The following TMEM154 variants were observed in gnomAD, a reference collection of about 807,000 sequenced individuals.
The protein encoded by TMEM154 is transmembrane protein 154.
A neutral mutation model predicts 24.5 loss-of-function variants in TMEM154; 27 were observed. The ratio of observed to expected loss-of-function variants is 1.10; its 90% CI spans 0.81 to 1.52. The LOEUF (loss-of-function observed/expected upper bound fraction) is 1.52, where lower values mean the gene tolerates loss of function less well. Ranked by LOEUF, TMEM154 falls within the 40% of genes most tolerant of loss-of-function variation. TMEM154 has a pLI of 0.00. For missense variants in TMEM154, 228 were observed against 213.4 expected, an observed-to-expected ratio of 1.07 and a Z score of -0.43; for synonymous variants, 67 against 76.8, an observed-to-expected ratio of 0.87 and a Z score of 0.67.
chr4:152,661,289 TCTCTCTCTCTC>T (rs1728598433), intron 1 of TMEM154, among the ~76,000 whole-genome samples: 1 of 46,432 alleles, frequency 2.2e-5, no homozygotes, highest in African/African-American at 6.6e-5. Context: ...TCTCTTTCTC[TCTCTCTCTCTC>T]TCTCTCTCTC....
At chr4:152,632,268 G>T (rs1422282187) in intron 6 of TMEM154, among the ~76,000 whole-genome samples, 1 of 152,056 alleles carries the variant, frequency 6.6e-6, no homozygotes, top group African/African-American at 2.4e-5. Context: ...AAAGCATGAG[G>T]TTGAGCTCTA....
At chr4:152,637,980 G>A (rs1302203205) in intron 6 of TMEM154, among the ~76,000 whole-genome samples, 2 of 152,118 alleles carry the variant, frequency 1.3e-5, no homozygotes, top group Non-Finnish European at 2.9e-5. Context: ...TTCAGACTGG[G>A]CGAGGCACAG....
At chr4:152,664,038 C>T (rs1300956455) in intron 1 of TMEM154, among the ~76,000 whole-genome samples, 2 of 152,202 alleles carry the variant, frequency 1.3e-5, no homozygotes, top group African/African-American at 4.8e-5. Flanking sequence ...AGCAAACTAG[C>T]TAACTTCTCT....
intron 6 of TMEM154, among the ~76,000 whole-genome samples, chr4:152,637,797 C>T (rs1027266209): frequency 6.6e-6 from 1 of 152,082 alleles, no homozygotes; most frequent in Non-Finnish European, 1.5e-5. Flanking sequence ...AATTCACAAG[C>T]TTTTAGAGAA....
chr4:152,676,120 T>G lies in TMEM154; in HGVS notation c.64+3750A>C, dbSNP rs187696681. 2.3e-3 allele frequency among the ~76,000 whole-genome samples: 356 copies of G among 152,270 alleles called. 1 individual carries two copies. Among genetic ancestry groups the G allele is most frequent in the African/African-American group, 8.1e-3 (335 of 41,546 alleles). ...TGTTTTTCCTGCTTCTAGTCTTAAA[T>G]CCCCAGATTCTCTTGTGCTCACTCT... On this transcript the variant is annotated intron_variant, in intron 1 of 6. Coordinates refer to ENST00000304385, the MANE Select transcript of TMEM154 (RefSeq NM_152680.3).
rs1339183202 is a variant in TMEM154 at position 152,653,784 on chromosome 4, A to T, written c.65-857T>A. ...CCGGGCATGGTGGTTCACGCCTGTA[A>T]TCCCAGCACTATGGGAGGCTGAGGT... On this transcript the variant is annotated intron_variant, in intron 1 of 6. Coordinates refer to ENST00000304385, the MANE Select transcript of TMEM154 (RefSeq NM_152680.3). Among the ~76,000 whole-genome samples, 5 of 151,892 alleles carry T rather than the reference A, an allele frequency of 3.3e-5. No individual in the cohort carries two copies. In the East Asian group the frequency reaches 9.7e-4, roughly 30 times the overall value.
chr4:152,640,883 G>GCCC, intron 6 of TMEM154, 45 bp downstream of exon 6: 1 of 609,638 alleles, frequency 1.6e-6, no homozygotes, highest in Non-Finnish European at 3.0e-6. Flanking sequence ...CAATCCCCCC[G>GCCC]CCCCCCGCCA....
intron 1 of TMEM154, among the ~76,000 whole-genome samples, chr4:152,665,430 G>C (rs1728700512): frequency 6.6e-6 from 1 of 152,130 alleles, no homozygotes; most frequent in African/African-American, 2.4e-5. Flanking sequence ...GGATGCCAAA[G>C]GCTTGCCTAG....
rs528954797 is a variant in TMEM154 at position 152,652,966 on chromosome 4, CAA to C, written c.65-41_65-40del. 1.9e-3 allele frequency: 2,961 copies of C among 1,537,384 alleles called. 8 individuals are homozygous for C. The highest frequency in any genetic ancestry group is 2.2e-3 in the Non-Finnish European group (2,498 of 1,143,362). ...TACAAAATTGAAATTTCCATGGAGA[CAA>C]AGTTAGTATGTTATATTGTCAATGA... On this transcript the variant is annotated intron_variant, in intron 1 of 6. Transcript: ENST00000304385.
intron 1 of TMEM154, among the ~76,000 whole-genome samples, chr4:152,674,671 C>G (rs1561059876): frequency 6.6e-6 from 1 of 152,130 alleles, no homozygotes; most frequent in Non-Finnish European, 1.5e-5. Flanking sequence ...TTAAGCACAC[C>G]CCTGTCTCAG....
intron 1 of TMEM154, among the ~76,000 whole-genome samples, chr4:152,675,357 G>C (rs963982443): frequency 6.6e-6 from 1 of 152,148 alleles, no homozygotes; most frequent in Non-Finnish European, 1.5e-5. Flanking sequence ...GCCAGGTGAG[G>C]TGGCTCATGC....
At chr4:152,662,508 A>G (rs1728631863) in intron 1 of TMEM154, among the ~76,000 whole-genome samples, 1 of 152,172 alleles carries the variant, frequency 6.6e-6, no homozygotes, top group Non-Finnish European at 1.5e-5. Flanking sequence ...ACAAGGTAAG[A>G]GTTAGGAAGA....
intron 6 of TMEM154, among the ~76,000 whole-genome samples, chr4:152,632,434 T>C (rs567709766): frequency 5.3e-4 from 81 of 152,226 alleles, no homozygotes; most frequent in Non-Finnish European, 1.0e-3. Flanking sequence ...CCTTATTCCA[T>C]CTTACAATTT....
intron 1 of TMEM154, among the ~76,000 whole-genome samples, chr4:152,659,339 T>C (rs1054261691): frequency 1.3e-4 from 20 of 152,108 alleles, no homozygotes; most frequent in African/African-American, 4.8e-4. Flanking sequence ...GAGAGTATAA[T>C]TATAAATATC....
At chr4:152,647,329 T>A in intron 3 of TMEM154, 1 of 984,908 alleles carries the variant, frequency 1.0e-6, no homozygotes, top group Non-Finnish European at 1.2e-6. Context: ...GTATTTTACC[T>A]GAAAAAAAAT....
At chr4:152,666,186 T>A (rs1295845857) in intron 1 of TMEM154, among the ~76,000 whole-genome samples, 1 of 152,224 alleles carries the variant, frequency 6.6e-6, no homozygotes, top group Non-Finnish European at 1.5e-5. Context: ...TAGTTGTGGC[T>A]AATTATCAGT....
chr4:152,641,217 G>A, intron 5 of TMEM154: 1 of 489,776 alleles, frequency 2.0e-6, no homozygotes, highest in East Asian at 3.8e-5. Flanking sequence ...CACTGGAAAG[G>A]ACACAATTCA....
At chr4:152,634,468 G>A (rs1384028166) in intron 6 of TMEM154, among the ~76,000 whole-genome samples, 1 of 152,164 alleles carries the variant, frequency 6.6e-6, no homozygotes, top group African/African-American at 2.4e-5. Context: ...TCAATAGAAT[G>A]TCCTTTCTCC....
intron 1 of TMEM154, among the ~76,000 whole-genome samples, chr4:152,656,173 T>G (rs1346580675): frequency 6.6e-6 from 1 of 152,164 alleles, no homozygotes; most frequent in African/African-American, 2.4e-5. Flanking sequence ...GCATGGGTAC[T>G]TGGGACCCAG....
Sources: gnomAD v4.1 joint callset for allele counts (sites outside exome capture counted in the v4.1 genomes callset) on GRCh38, gnomAD v4.1.1 for gene constraint, MANE v1.5 for transcripts, NCBI Gene and HGNC (gene_info 2026-07-23, HGNC 2026-07-21) for gene names.